SH3PXD2B: variants seen among roughly 807,000 people sequenced by gnomAD.
The protein encoded by SH3PXD2B is SH3 and PX domains 2B.
In SH3PXD2B, 37 loss-of-function variants were observed where a neutral mutation model predicts 73.1. That is an observed-to-expected ratio of 0.51 (90% CI 0.39 to 0.67). The LOEUF (loss-of-function observed/expected upper bound fraction) is 0.67. Ranked by LOEUF, SH3PXD2B falls within the 30% of genes least tolerant of loss-of-function variation. The pLI, the probability that SH3PXD2B is intolerant of heterozygous loss-of-function variation, is 0.00. For synonymous variants in SH3PXD2B, 457 were observed against 480.5 expected (o/e 0.95, Z 0.64); for missense variants, 1,053 against 1,197.8 (o/e 0.88, Z 1.78).
intron 4 of SH3PXD2B, among the ~76,000 whole-genome samples, chr5:172,384,547 C>T (rs1758017096): frequency 1.3e-5 from 2 of 152,104 alleles, no homozygotes; most frequent in South Asian, 4.1e-4. Flanking sequence ...AACCACCATT[C>T]TACTTCTGTC....
At chr5:172,379,248 C>T (rs1484562812) in intron 5 of SH3PXD2B, among the ~76,000 whole-genome samples, 3 of 149,176 alleles carry the variant, frequency 2.0e-5, no homozygotes, top group South Asian at 2.1e-4. Context: ...GTAAGAGGAT[C>T]GCTTGAGCCC....
rs1216827163 is a variant in SH3PXD2B at position 172,368,494 on chromosome 5, TATTATA to T, written c.427+5290_427+5295del. On this transcript the variant is annotated intron_variant, in intron 6 of 12. Transcript: ENST00000311601. The stretch of plus-strand genomic sequence containing the variant: ...TATATATATATATAAAATATATATA[TATTATA>T]TATATATATATAAAATATATATATA... Among the ~76,000 whole-genome samples the T allele has an allele frequency of 8.2e-3, 65 of 7,930 alleles. 2 individuals carry two copies. Among genetic ancestry groups the T allele is most frequent in the Middle Eastern group, 0.045 (1 of 22 alleles). 5.2% of individuals were successfully genotyped at this position (7,930 alleles called of 152,430 possible).
At chr5:172,359,550 C>T (rs1420911185) in intron 7 of SH3PXD2B, among the ~76,000 whole-genome samples, 1 of 152,172 alleles carries the variant, frequency 6.6e-6, no homozygotes, top group Non-Finnish European at 1.5e-5. Flanking sequence ...TCCAAGTTCA[C>T]GTGGCTGCGG....
chr5:172,439,288 AAAACCC>A (rs1561583563), intron 1 of SH3PXD2B, among the ~76,000 whole-genome samples: 1 of 60,312 alleles, frequency 1.7e-5, no homozygotes, highest in African/African-American at 5.7e-5. Flanking sequence ...AAACAAAAAA[AAAACCC>A]CAAAAAAAAA....
intron 4 of SH3PXD2B, among the ~76,000 whole-genome samples, chr5:172,384,820 A>G (rs1260125013): frequency 5.3e-5 from 8 of 152,190 alleles, no homozygotes; most frequent in Non-Finnish European, 1.2e-4. Flanking sequence ...TAAGTCCCCG[A>G]GCTGCAATCT....
intron 2 of SH3PXD2B, among the ~76,000 whole-genome samples, chr5:172,408,111 G>A (rs576490345): frequency 1.3e-5 from 2 of 152,152 alleles, no homozygotes; most frequent in East Asian, 3.9e-4. Context: ...TGGAATGCAC[G>A]GCCTTGCCCC....
At chr5:172,396,304 G>A (rs1758296485) in intron 3 of SH3PXD2B, among the ~76,000 whole-genome samples, 3 of 151,642 alleles carry the variant, frequency 2.0e-5, no homozygotes, top group Admixed American at 2.0e-4. Flanking sequence ...CATCTGGGAG[G>A]CAGAGGATGC....
chr5:172,325,431 G>T, intron 12 of SH3PXD2B: 1 of 1,294,792 alleles, frequency 7.7e-7, no homozygotes, highest in South Asian at 1.3e-5. Flanking sequence ...CTTTCCAAAC[G>T]AAAGACTAAC....
intron 3 of SH3PXD2B, among the ~76,000 whole-genome samples, chr5:172,405,055 C>T (rs1329797115): frequency 6.6e-6 from 1 of 152,226 alleles, no homozygotes; most frequent in Non-Finnish European, 1.5e-5. Context: ...CAGTAGGGAG[C>T]TATTATTATA....
At chr5:172,380,460 T>C (rs960007075) in intron 5 of SH3PXD2B, among the ~76,000 whole-genome samples, 2 of 152,178 alleles carry the variant, frequency 1.3e-5, no homozygotes, top group Non-Finnish European at 2.9e-5. Flanking sequence ...AGCCAGAGGC[T>C]ATGAGCCTGA....
chr5:172,380,324 G>T lies in SH3PXD2B; in HGVS notation c.401+1712C>A, dbSNP rs113738932. 1.5e-3 allele frequency among the ~76,000 whole-genome samples: 224 copies of T among 152,304 alleles called. 1 individual carries two copies. Among genetic ancestry groups the T allele is most frequent in the African/African-American group, 4.8e-3 (200 of 41,582 alleles). The stretch of plus-strand genomic sequence containing the variant: ...AATCCTTCCGCCTCGGCCTCCTAAA[G>T]TGCTGGGATTACAGGCGTGAGGGAA... On this transcript the variant is annotated intron_variant, in intron 5 of 12. Coordinates refer to ENST00000311601, the MANE Select transcript of SH3PXD2B (RefSeq NM_001017995.3).
intron 3 of SH3PXD2B, among the ~76,000 whole-genome samples, chr5:172,395,064 TC>T (rs1758265092): frequency 6.6e-6 from 1 of 152,086 alleles, no homozygotes; most frequent in African/African-American, 2.4e-5. Flanking sequence ...TTCTCCTCAT[TC>T]ACCCTCTGCC....
rs138055692 is a variant in SH3PXD2B, at chr5:172,373,914, C to T, written c.402-99G>A. The T allele has an allele frequency of 1.1e-3, 1,389 of 1,308,916 alleles. 21 individuals carry two copies. In the East Asian group the frequency reaches 0.023, roughly 22 times the overall value. The allele number at this position is 1,308,916 out of a possible 1,614,324, so 81.1% of individuals were successfully genotyped here. A position where few individuals can be genotyped will look rare whatever the true frequency, so the allele number is the denominator to read the frequency against. On this transcript the variant is annotated intron_variant, in intron 5 of 12. Transcript: ENST00000311601. ...CGGGAAACTGAGATTCTCCACCCCCCACAACATCATCAGTGAATGAATAAA... is the reference window on the plus strand; with the variant it reads ...CGGGAAACTGAGATTCTCCACCCCCTACAACATCATCAGTGAATGAATAAA...
chr5:172,367,728 T>C (rs1274806739), intron 6 of SH3PXD2B, among the ~76,000 whole-genome samples: 2 of 152,132 alleles, frequency 1.3e-5, no homozygotes, highest in African/African-American at 2.4e-5. Flanking sequence ...AAGTGTGGAA[T>C]TGTGCACATG....
chr5:172,336,850 T>C lies in SH3PXD2B; in HGVS notation c.*1519A>G, dbSNP rs1756707854. The C allele has an allele frequency of 2.0e-6, 2 of 985,346 alleles. No individual in the cohort carries two copies. Among genetic ancestry groups the C allele is most frequent in the Non-Finnish European group, 1.2e-6 (1 of 829,978 alleles). 61.0% of individuals were successfully genotyped at this position (985,346 alleles called of 1,614,324 possible). A position where few individuals can be genotyped will look rare whatever the true frequency, so the allele number is the denominator to read the frequency against. On this transcript the variant is annotated 3_prime_UTR_variant, in exon 13 of 13. Coordinates refer to ENST00000311601, the MANE Select transcript of SH3PXD2B (RefSeq NM_001017995.3). ...TAGTCATGCCTCTCCAGACCTCAGT[T>C]TGACAGATGACCACATCTGCCCTGG... is the stretch of plus-strand genomic sequence containing the variant.
intron 1 of SH3PXD2B, among the ~76,000 whole-genome samples, chr5:172,428,741 A>G (rs1187707929): frequency 1.3e-5 from 2 of 152,226 alleles, no homozygotes; most frequent in Non-Finnish European, 2.9e-5. Flanking sequence ...ATTGTTGCCA[A>G]CAATGTTTAA....
intron 3 of SH3PXD2B, among the ~76,000 whole-genome samples, chr5:172,400,061 T>C (rs112176812): frequency 0.037 from 5,680 of 152,224 alleles, 316 homozygotes; most frequent in African/African-American, 0.12. Flanking sequence ...TGTATCCATC[T>C]AGAAACTCAA....
rs1758255050 is a variant in SH3PXD2B at position 172,394,613 on chromosome 5, T to C, written c.259A>G (p.Ile87Val). The C allele has an allele frequency of 1.2e-6, 2 of 1,614,154 alleles. No homozygotes were observed. The highest frequency in any genetic ancestry group is 1.7e-6 in the Non-Finnish European group (2 of 1,180,000). ...PGKILFRRSH[I>V]RDVAVKRLIP... The stretch of plus-strand genomic sequence containing the variant: ...AGGCGTTTGACAGCCACGTCCCGGA[T>C]GTGGCTTCGTCTGAAGAGAATCTTA... The change falls in exon 4 of 13, where the codon ATC becomes GTC. Residue 87 changes from isoleucine (I) to valine (V), a missense_variant. Ile to Val is a conservative substitution (Grantham distance 29). Around this residue, in one of 2 missense-constraint regions of SH3PXD2B, gnomAD observed 466 missense variants for 607.1 expected, o/e 0.77. Transcript: ENST00000311601.
intron 12 of SH3PXD2B, among the ~76,000 whole-genome samples, chr5:172,328,102 G>A (rs1176905009): frequency 5.0e-5 from 7 of 140,172 alleles, no homozygotes; most frequent in African/African-American, 1.3e-4. Context: ...ATCTCGCTAC[G>A]TTGCCTAGTA....
Sources: gnomAD v4.1 joint callset for allele counts (sites outside exome capture counted in the v4.1 genomes callset) on GRCh38, gnomAD v4.1.1 for gene constraint, gnomAD v4.1.1 regional missense constraint, MANE v1.5 for transcripts, NCBI Gene and HGNC (gene_info 2026-07-23, HGNC 2026-07-21) for gene names.